The following MRAS variants were observed in gnomAD, a reference collection of about 807,000 sequenced individuals.
MRAS encodes muscle RAS oncogene homolog.
MRAS carries 4 observed loss-of-function variants against 20.9 expected under a neutral mutation model. That is an observed-to-expected ratio of 0.19 (90% CI 0.09 to 0.44). The LOEUF (loss-of-function observed/expected upper bound fraction) is 0.44, where lower values mean the gene tolerates loss of function less well. MRAS is among the 20% of genes least tolerant of loss of function. MRAS has a pLI of 0.99. For synonymous variants in MRAS, 98 were observed against 102.9 expected (o/e 0.95, Z 0.29); for missense variants, 154 against 277.5 (o/e 0.56, Z 3.16).
At chr3:138,373,429 A>G (rs953738530) in intron 2 of MRAS, among the ~76,000 whole-genome samples, 2 of 152,208 alleles carry the variant, frequency 1.3e-5, no homozygotes, top group African/African-American at 2.4e-5. Flanking sequence ...CTTAATGAGC[A>G]TAGTTTACTT....
chr3:138,370,936 A>G (rs1453311534), intron 1 of MRAS, among the ~76,000 whole-genome samples: 1 of 152,132 alleles, frequency 6.6e-6, no homozygotes, highest in Admixed American at 6.6e-5. Context: ...ATACATAACA[A>G]CACACTTTTT....
chr3:138,374,966 C>T (rs1560173172), intron 2 of MRAS, among the ~76,000 whole-genome samples: 1 of 152,044 alleles, frequency 6.6e-6, no homozygotes, highest in East Asian at 1.9e-4. Flanking sequence ...ACTGCAACCA[C>T]AAAATACTGG....
At chr3:138,393,750 C>T (rs1318145572) in intron 2 of MRAS, among the ~76,000 whole-genome samples, 1 of 151,842 alleles carries the variant, frequency 6.6e-6, no homozygotes, top group Non-Finnish European at 1.5e-5. Context: ...AGTGCAATGG[C>T]GTGATCTTGG....
chr3:138,385,940 A>G (rs2055003750), intron 2 of MRAS, among the ~76,000 whole-genome samples: 1 of 152,226 alleles, frequency 6.6e-6, no homozygotes, highest in African/African-American at 2.4e-5. Context: ...GGTGGCAGGG[A>G]CCTGGAGCCA....
At chr3:138,378,655 T>C (rs891849367) in intron 2 of MRAS, among the ~76,000 whole-genome samples, 4 of 152,230 alleles carry the variant, frequency 2.6e-5, no homozygotes, top group African/African-American at 9.6e-5. Context: ...AATTCTCTCT[T>C]GTCATGAATC....
intron 1 of MRAS, among the ~76,000 whole-genome samples, chr3:138,350,586 G>T (rs1354594297): frequency 1.3e-5 from 2 of 152,152 alleles, no homozygotes; most frequent in Non-Finnish European, 2.9e-5. Context: ...GCAAGCGATT[G>T]TCTCCAGCGT....
At chr3:138,396,783 T>C (rs1360657556) in intron 2 of MRAS, among the ~76,000 whole-genome samples, 1 of 152,110 alleles carries the variant, frequency 6.6e-6, no homozygotes, top group East Asian at 1.9e-4. Context: ...CCTTGGGGGC[T>C]GAGAAGCCCT....
chr3:138,350,153 T>C (rs926559152), intron 1 of MRAS: 1 of 152,218 alleles, frequency 6.6e-6, no homozygotes, highest in African/African-American at 2.4e-5. Flanking sequence ...GTCAGAAGCT[T>C]AGCAGTGAAC....
intron 2 of MRAS, among the ~76,000 whole-genome samples, chr3:138,381,107 G>C (rs2054894404): frequency 6.6e-6 from 1 of 152,208 alleles, no homozygotes; most frequent in Non-Finnish European, 1.5e-5. Flanking sequence ...ATATTCCACT[G>C]TATGGATGTA....
chr3:138,384,579 C>T lies in MRAS; in HGVS notation c.193+11503C>T, dbSNP rs550519318. Among the ~76,000 whole-genome samples the T allele has an allele frequency of 5.9e-5, 9 of 152,216 alleles. No individual in the cohort carries two copies. In the East Asian group the frequency reaches 1.2e-3, roughly 20 times the overall value. On this transcript the variant is annotated intron_variant, in intron 2 of 5. Transcript: ENST00000423968. ...GGGAAATCAAGAGTCTAATTTTGGA[C>T]GTGTTAAATCCAGGATGCCTTTCAC...
chr3:138,382,400 T>G (rs189459264), intron 2 of MRAS, among the ~76,000 whole-genome samples: 134 of 152,380 alleles, frequency 8.8e-4, no homozygotes, highest in African/African-American at 2.9e-3. Context: ...GGATGCCTTA[T>G]TTCATCCTTG....
At chr3:138,401,927 G>A (rs1396766156) in intron 5 of MRAS, among the ~76,000 whole-genome samples, 1 of 152,158 alleles carries the variant, frequency 6.6e-6, no homozygotes, top group African/African-American at 2.4e-5. Context: ...TCAGTAGGGC[G>A]ATTTAGGTTA....
At chr3:138,389,800 C>G (rs562709269) in intron 2 of MRAS, among the ~76,000 whole-genome samples, 1 of 151,868 alleles carries the variant, frequency 6.6e-6, no homozygotes, top group African/African-American at 2.4e-5. Context: ...GTGTATAAAG[C>G]CTTTGGCATA....
chr3:138,364,112 C>T (rs1354942095), intron 1 of MRAS, among the ~76,000 whole-genome samples: 3 of 152,146 alleles, frequency 2.0e-5, no homozygotes, highest in African/African-American at 7.2e-5. Flanking sequence ...CGGTGGCCAG[C>T]TGAGACATGC....
chr3:138,402,458 C>T lies in MRAS; in HGVS notation c.*189C>T. The T allele has an allele frequency of 1.8e-6, 1 of 556,540 alleles. No individual in the cohort carries two copies. The highest frequency in any genetic ancestry group is 3.2e-6 in the Non-Finnish European group (1 of 315,460). 34.5% of individuals were successfully genotyped at this position (556,540 alleles called of 1,614,324 possible). A position where few individuals can be genotyped will look rare whatever the true frequency, so the allele number is the denominator to read the frequency against. On this transcript the variant is annotated 3_prime_UTR_variant, in exon 6 of 6. Coordinates refer to ENST00000423968, the MANE Select transcript of MRAS (RefSeq NM_001085049.3). ...GCCCAGAGGGCACGGGCTTTCCCAC[C>T]TCTCAAAGAGACAAGGAAGCCACCT...
At chr3:138,388,813 T>C (rs1005405233) in intron 2 of MRAS, among the ~76,000 whole-genome samples, 1 of 152,192 alleles carries the variant, frequency 6.6e-6, no homozygotes, top group African/African-American at 2.4e-5. Context: ...GTGACCCTTA[T>C]TTCACCCTGT....
rs912980981 is a variant in MRAS at position 138,404,906 on chromosome 3, A to C, written c.*2637A>C. 1 of 152,188 alleles carries C rather than the reference A, an allele frequency of 6.6e-6. No homozygotes were observed. The highest frequency in any genetic ancestry group is 6.5e-5 in the Admixed American group (1 of 15,276). The allele number at this position is 152,188 out of a possible 1,614,324, so 9.4% of individuals were successfully genotyped here. ...CATGTTCCCGTTGGTCTTCCGGAGA[A>C]TAGTGCTACCCTCACATCCCCTGGA... On this transcript the variant is annotated 3_prime_UTR_variant, in exon 6 of 6. Transcript: ENST00000423968.
intron 1 of MRAS, among the ~76,000 whole-genome samples, chr3:138,362,555 G>A (rs2054471048): frequency 6.6e-6 from 1 of 152,066 alleles, no homozygotes; most frequent in South Asian, 2.1e-4. Flanking sequence ...TTTTCTGCTG[G>A]TTAACCTCAG....
chr3:138,382,800 A>C (rs1560177947), intron 2 of MRAS, among the ~76,000 whole-genome samples: 1 of 152,200 alleles, frequency 6.6e-6, no homozygotes, highest in Non-Finnish European at 1.5e-5. Context: ...CAGGTCATAT[A>C]TGCCAGTTAA....
Sources: allele counts gnomAD v4.1 joint callset (sites outside exome capture counted in the v4.1 genomes callset), GRCh38; gene constraint gnomAD v4.1.1; transcripts MANE v1.5; gene names NCBI Gene and HGNC (gene_info 2026-07-23, HGNC 2026-07-21).